Variants in SYNDIG1 observed in about 807,000 individuals in gnomAD.
SYNDIG1 encodes synapse differentiation inducing 1.
A neutral mutation model predicts 19.4 loss-of-function variants in SYNDIG1; 9 were observed. That is an observed-to-expected ratio of 0.46 (90% CI 0.28 to 0.81). The LOEUF is 0.81. Ranked by LOEUF, SYNDIG1 falls within the 30% of genes least tolerant of loss-of-function variation. The pLI is 0.12. For missense variants in SYNDIG1, 311 were observed against 343.3 expected (o/e 0.91, Z 0.74); for synonymous variants, 141 against 145.9 (o/e 0.97, Z 0.24).
At chr20:24,526,713 C>T (rs2057132510) in intron 1 of SYNDIG1, among the ~76,000 whole-genome samples, 1 of 152,146 alleles carries the variant, frequency 6.6e-6, no homozygotes, top group African/African-American at 2.4e-5. Context: ...TCCTAAAGTG[C>T]ATCCTTTAGA....
At chr20:24,648,581 C>T (rs370591327) in intron 3 of SYNDIG1, among the ~76,000 whole-genome samples, 3 of 152,244 alleles carry the variant, frequency 2.0e-5, no homozygotes, top group East Asian at 1.9e-4. Context: ...AGTGTCCAGT[C>T]TGAAAGCAGG....
At chr20:24,626,752 C>T (rs1322310349) in intron 3 of SYNDIG1, among the ~76,000 whole-genome samples, 81 of 152,310 alleles carry the variant, frequency 5.3e-4, no homozygotes, top group African/African-American at 1.9e-3. Context: ...TGTAGCGAGC[C>T]GAGATCACGC....
intron 1 of SYNDIG1, among the ~76,000 whole-genome samples, chr20:24,494,127 T>TGGCAGGG (rs1039367684): frequency 4.0e-5 from 6 of 149,786 alleles, no homozygotes; most frequent in African/African-American, 1.5e-4. Flanking sequence ...ACCAGCAAAG[T>TGGCAGGG]ACAGGGGCAG....
intron 3 of SYNDIG1, among the ~76,000 whole-genome samples, chr20:24,641,639 G>A (rs933963737): frequency 1.3e-5 from 2 of 152,130 alleles, no homozygotes; most frequent in African/African-American, 4.8e-5. Flanking sequence ...AGATAAAATA[G>A]TAACAGGACG....
intron 3 of SYNDIG1, among the ~76,000 whole-genome samples, chr20:24,626,711 G>C (rs1321228574): frequency 6.6e-6 from 1 of 152,244 alleles, no homozygotes; most frequent in Admixed American, 6.5e-5. Context: ...GCACTTTGGG[G>C]GGCCAAGGCA....
intron 1 of SYNDIG1, among the ~76,000 whole-genome samples, chr20:24,478,001 C>T (rs926223434): frequency 6.6e-6 from 1 of 152,260 alleles, no homozygotes; most frequent in African/African-American, 2.4e-5. Flanking sequence ...GAACTCCACC[C>T]TGCCAGTGGC....
intron 1 of SYNDIG1, among the ~76,000 whole-genome samples, chr20:24,524,560 G>A (rs919590475): frequency 6.6e-6 from 1 of 151,924 alleles, no homozygotes; most frequent in Non-Finnish European, 1.5e-5. Context: ...GCAGGAGAAC[G>A]GCGTGAACCC....
chr20:24,597,589 T>A (rs149738216), intron 3 of SYNDIG1, among the ~76,000 whole-genome samples: 1 of 152,160 alleles, frequency 6.6e-6, no homozygotes, highest in Non-Finnish European at 1.5e-5. Context: ...ATGCACTCAG[T>A]GTGGTAAGCG....
chr20:24,634,632 G>C (rs574827490), intron 3 of SYNDIG1, among the ~76,000 whole-genome samples: 4 of 152,210 alleles, frequency 2.6e-5, no homozygotes, highest in Non-Finnish European at 2.9e-5. Flanking sequence ...ATCTTTATGT[G>C]TGTTATTTTT....
intron 3 of SYNDIG1, among the ~76,000 whole-genome samples, chr20:24,637,541 G>T (rs2059328068): frequency 6.6e-6 from 1 of 152,130 alleles, no homozygotes; most frequent in Non-Finnish European, 1.5e-5. Flanking sequence ...GCAAAATGTG[G>T]GCTCTCCAGA....
At chr20:24,532,291 C>A (rs2057276014) in intron 1 of SYNDIG1, among the ~76,000 whole-genome samples, 1 of 152,168 alleles carries the variant, frequency 6.6e-6, no homozygotes, top group Non-Finnish European at 1.5e-5. Context: ...GCTTCCGTAC[C>A]ATGGAATATG....
intron 3 of SYNDIG1, among the ~76,000 whole-genome samples, chr20:24,592,885 T>C (rs1415616928): frequency 6.6e-6 from 1 of 152,176 alleles, no homozygotes; most frequent in Non-Finnish European, 1.5e-5. Context: ...AGTGCTGGGA[T>C]TACAGGTGTG....
At chr20:24,530,877 C>G (rs899165296) in intron 1 of SYNDIG1, among the ~76,000 whole-genome samples, 8 of 150,826 alleles carry the variant, frequency 5.3e-5, no homozygotes, top group Non-Finnish European at 1.2e-4. Flanking sequence ...GGTGCAATCT[C>G]TGCTCACTGC....
chr20:24,583,114 G>A (rs1378879743), intron 2 of SYNDIG1, among the ~76,000 whole-genome samples: 2 of 152,228 alleles, frequency 1.3e-5, no homozygotes, highest in East Asian at 3.9e-4. Context: ...GTGATTAGAG[G>A]CTCTGATTGG....
intron 1 of SYNDIG1, among the ~76,000 whole-genome samples, chr20:24,494,925 T>C (rs1323896309): frequency 6.6e-6 from 1 of 152,204 alleles, no homozygotes; most frequent in African/African-American, 2.4e-5. Context: ...TGTAGGACCC[T>C]CTGTCAGGAG....
At chr20:24,500,173 C>T (rs1047305897) in intron 1 of SYNDIG1, among the ~76,000 whole-genome samples, 7 of 152,018 alleles carry the variant, frequency 4.6e-5, no homozygotes, top group East Asian at 3.9e-4. Context: ...CTAGTCCTCT[C>T]GGTGATGGTG....
intron 3 of SYNDIG1, among the ~76,000 whole-genome samples, chr20:24,598,756 C>T (rs1456314610): frequency 6.6e-6 from 1 of 152,212 alleles, no homozygotes; most frequent in Non-Finnish European, 1.5e-5. Flanking sequence ...CAGTTATTCT[C>T]CATTTATCCC....
chr20:24,576,694 C>A (rs2058233645), intron 2 of SYNDIG1, among the ~76,000 whole-genome samples: 1 of 152,110 alleles, frequency 6.6e-6, no homozygotes, highest in African/African-American at 2.4e-5. Context: ...TCCCTGGACT[C>A]CCCAGCCCTG....
chr20:24,579,592 C>T (rs901526587), intron 2 of SYNDIG1, among the ~76,000 whole-genome samples: 1 of 152,224 alleles, frequency 6.6e-6, no homozygotes, highest in African/African-American at 2.4e-5. Flanking sequence ...TCCCACGTGA[C>T]AGGCATGGGA....
Sources: allele counts gnomAD v4.1 joint callset (sites outside exome capture counted in the v4.1 genomes callset), GRCh38; gene constraint gnomAD v4.1.1; transcripts MANE v1.5; gene names NCBI Gene and HGNC (gene_info 2026-07-23, HGNC 2026-07-21).